The following COG2 variants were observed in gnomAD, a reference collection of about 807,000 sequenced individuals.
COG2 encodes the protein conserved oligomeric Golgi complex subunit 2.
COG2 carries 52 observed loss-of-function variants against 90.6 expected under a neutral mutation model. The ratio of observed to expected loss-of-function variants is 0.57; its 90% CI spans 0.46 to 0.72. The LOEUF (loss-of-function observed/expected upper bound fraction) is 0.72, where lower values mean the gene tolerates loss of function less well. Among genes scored for constraint, COG2 ranks in the 30% least tolerant of loss-of-function variants. The pLI is 0.00. For missense variants in COG2, 829 were observed against 891.2 expected, an observed-to-expected ratio of 0.93 and a Z score of 0.89; for synonymous variants, 337 against 320.4, an observed-to-expected ratio of 1.05 and a Z score of -0.55.
At chr1:230,668,811 T>C (rs959396853) in intron 6 of COG2, 27 bp downstream of exon 6, 5 of 1,437,072 alleles carry the variant, frequency 3.5e-6, no homozygotes, top group Admixed American at 1.8e-5. Flanking sequence ...ATTTCCACAG[T>C]TTGGTGTTTA....
At chr1:230,690,225 A>G (rs1310562411) in intron 16 of COG2, 72 bp downstream of exon 16, 1 of 1,356,158 alleles carries the variant, frequency 7.4e-7, no homozygotes, top group Non-Finnish European at 1.0e-6. Context: ...CAAGGCAATC[A>G]AGCACTGCGT....
intron 7 of COG2, chr1:230,670,543 C>A (rs1662422960): frequency 6.6e-6 from 1 of 152,054 alleles, no homozygotes; most frequent in Non-Finnish European, 1.5e-5. Flanking sequence ...CTGTTTATAT[C>A]ATGTTATATT....
intron 9 of COG2, among the ~76,000 whole-genome samples, chr1:230,675,764 G>A (rs893343276): frequency 1.2e-4 from 19 of 152,072 alleles, no homozygotes; most frequent in African/African-American, 4.6e-4. Context: ...GCCTCAGGCT[G>A]CTTCCTGAGT....
At chr1:230,687,179 TCA>T (rs773215821) in intron 13 of COG2, 47 bp downstream of exon 13, 6 of 1,536,492 alleles carry the variant, frequency 3.9e-6, no homozygotes, top group African/African-American at 1.4e-5. Context: ...TTTAATGTTT[TCA>T]CAGAAGGTAG....
chr1:230,672,127 T>C (rs930538630), intron 8 of COG2, among the ~76,000 whole-genome samples: 7 of 152,178 alleles, frequency 4.6e-5, no homozygotes, highest in Admixed American at 2.6e-4. Flanking sequence ...GTCCAGGCCT[T>C]GTCATCTGCT....
At chr1:230,663,080 T>C in intron 3 of COG2, 61 bp from the exon 4 acceptor site, 1 of 1,383,786 alleles carries the variant, frequency 7.2e-7, no homozygotes, top group Non-Finnish European at 1.0e-6. Flanking sequence ...GAATTAAATG[T>C]GTAAATTTCA....
At chr1:230,649,755 T>C (rs1034261970) in intron 1 of COG2, among the ~76,000 whole-genome samples, 6 of 152,106 alleles carry the variant, frequency 3.9e-5, no homozygotes, top group African/African-American at 9.7e-5. Context: ...AGGAGGTACA[T>C]GTACAGGTTT....
intron 1 of COG2, among the ~76,000 whole-genome samples, chr1:230,649,661 C>T (rs918302533): frequency 6.6e-6 from 1 of 152,170 alleles, no homozygotes; most frequent in Non-Finnish European, 1.5e-5. Context: ...CCTGTAATTA[C>T]AGCAGTGATT....
At chr1:230,644,825 G>A (rs3827743) in intron 1 of COG2, among the ~76,000 whole-genome samples, 107,273 of 152,084 alleles carry the variant, frequency 0.71, 38,224 homozygotes, top group East Asian at 0.95. Context: ...ACATGATCAT[G>A]TATGTTGCAG....
At chr1:230,688,043 G>T in intron 13 of COG2, 28 bp from the exon 14 acceptor site, 1 of 1,474,730 alleles carries the variant, frequency 6.8e-7, no homozygotes, top group Non-Finnish European at 9.2e-7. Flanking sequence ...AAAAGTAACT[G>T]AATATATAAA....
At chr1:230,657,824 G>T (rs563928674) in intron 1 of COG2, among the ~76,000 whole-genome samples, 1 of 151,826 alleles carries the variant, frequency 6.6e-6, no homozygotes, top group African/African-American at 2.4e-5. Context: ...TTGGTCTTCA[G>T]TCTCTGATAT....
rs368773828 is a variant in COG2, at chr1:230,642,572, T to C, written c.-35T>C. ...TGCGCAGCCTCCTGCGTTTTCTCGC[T>C]TGGATCTTGGCACTGAGAGGCGGTG... On this transcript the variant is annotated 5_prime_UTR_variant, in exon 1 of 18. Transcript: ENST00000366669. 18 of 1,600,274 alleles carry C rather than the reference T, an allele frequency of 1.1e-5. No homozygotes were observed. In the African/African-American group the frequency reaches 2.3e-4, roughly 20 times the overall value.
Position 230,688,486 on chromosome 1 carries a change from A to C in COG2, c.1718A>C (p.Gln573Pro). Residue 573 changes from glutamine (Q) to proline (P), a missense_variant, in exon 15 of 18, where the codon CAG becomes CCG. Transcript: ENST00000366669. ...CVPSLSSKII[Q>P]DLSDSCFGFL... Reference sequence around the variant, plus strand: ...CCCTCCTTGAGTAGCAAGATCATCCAGGATTTAAGTGACTCTTGCTTCGGT... The same window carrying C: ...CCCTCCTTGAGTAGCAAGATCATCCCGGATTTAAGTGACTCTTGCTTCGGT... 4 of 1,614,138 alleles carry C rather than the reference A, an allele frequency of 2.5e-6. No homozygotes were observed. The highest frequency in any genetic ancestry group is 3.4e-6 in the Non-Finnish European group (4 of 1,180,012).
Position 230,664,592 on chromosome 1 carries a change from G to T in COG2, c.485+5G>T, listed in dbSNP as rs1170431643. 6.9e-7 allele frequency: 1 copy of T among 1,439,954 alleles called. No individual in the cohort carries two copies. Among genetic ancestry groups the T allele is most frequent in the East Asian group, 2.3e-5 (1 of 42,760 alleles). 89.2% of individuals were successfully genotyped at this position (1,439,954 alleles called of 1,614,324 possible). A position where few individuals can be genotyped will look rare whatever the true frequency, so the allele number is the denominator to read the frequency against. On this transcript the variant is annotated splice_donor_5th_base_variant and intron_variant, in intron 5 of 17. Coordinates refer to ENST00000366669, the MANE Select transcript of COG2 (RefSeq NM_007357.3). ...CTCTGCACTAGAAGCAAGCAGGTAA[G>T]TATTTTTTATTAAATAACTCGTAAA...
In COG2 at chr1:230,669,485, G is replaced by A. The variant is rs1016346510; in HGVS notation, c.724G>A (p.Asp242Asn). ...RTYATIDKTR[D>N]AEALVGQVLV... ...TTACGCCACGATTGACAAGACACGG[G>A]ACGCGGAGGCCTTAGTTGGCCAAGT... The change falls in exon 7 of 18, where the codon GAC (aspartate) becomes AAC (asparagine). Residue 242 changes from aspartate to asparagine, a missense_variant. By Grantham distance (23) the Asp-to-Asn change is conservative. Coordinates refer to ENST00000366669, the MANE Select transcript of COG2 (RefSeq NM_007357.3). The A allele has an allele frequency of 6.2e-7, 1 of 1,614,052 alleles. No homozygotes were observed. Among genetic ancestry groups the A allele is most frequent in the Non-Finnish European group, 8.5e-7 (1 of 1,179,944 alleles).
At chr1:230,689,302 T>C (rs1314288434) in intron 15 of COG2, among the ~76,000 whole-genome samples, 1 of 152,236 alleles carries the variant, frequency 6.6e-6, no homozygotes, top group African/African-American at 2.4e-5. Context: ...TATTGTCTGA[T>C]TTGAAGCTGC....
intron 3 of COG2, among the ~76,000 whole-genome samples, chr1:230,661,040 A>G (rs1470700740): frequency 6.6e-6 from 1 of 152,172 alleles, no homozygotes; most frequent in Non-Finnish European, 1.5e-5. Flanking sequence ...TTTGAATATG[A>G]CAGATTCTTA....
intron 1 of COG2, among the ~76,000 whole-genome samples, chr1:230,650,230 C>G (rs1240725061): frequency 1.3e-5 from 2 of 152,074 alleles, no homozygotes; most frequent in African/African-American, 4.8e-5. Context: ...TGGATGTTCC[C>G]TATTAGGATT....
rs185984668 is a variant in COG2 at position 230,654,922 on chromosome 1, C to G, written c.73-4542C>G. On this transcript the variant is annotated intron_variant, in intron 1 of 17. Coordinates refer to ENST00000366669, the MANE Select transcript of COG2 (RefSeq NM_007357.3). ...TGTCTGTTATTGGTGTATAGGAATG[C>G]TTGTGATTTTTGCACATTGATTTTG... Among the ~76,000 whole-genome samples the G allele has an allele frequency of 3.9e-4, 60 of 152,254 alleles. 1 individual carries two copies. The East Asian group carries it at 9.1e-3, about 23-fold the overall frequency.
Sources: gnomAD v4.1 joint callset for allele counts (sites outside exome capture counted in the v4.1 genomes callset) on GRCh38, gnomAD v4.1.1 for gene constraint, MANE v1.5 for transcripts, NCBI Gene and HGNC (gene_info 2026-07-23, HGNC 2026-07-21) for gene names.